Variants in ARHGAP26 observed in about 807,000 individuals in gnomAD.
ARHGAP26 encodes the protein Rho GTPase activating protein 26.
A neutral mutation model predicts 104.8 loss-of-function variants in ARHGAP26; 38 were observed. That is an observed-to-expected ratio of 0.36 (90% CI 0.28 to 0.48). ARHGAP26 has a LOEUF of 0.48. ARHGAP26 is among the 20% of genes least tolerant of loss of function. ARHGAP26 has a pLI of 0.99. For synonymous variants in ARHGAP26, 341 were observed against 340.0 expected, an observed-to-expected ratio of 1.00 and a Z score of -0.03; for missense variants, 704 against 947.9, an observed-to-expected ratio of 0.74 and a Z score of 3.38.
chr5:143,116,710 G>A (rs919497242), intron 17 of ARHGAP26, among the ~76,000 whole-genome samples: 2 of 152,174 alleles, frequency 1.3e-5, no homozygotes, highest in African/African-American at 4.8e-5. Flanking sequence ...GCCTCTCAAA[G>A]GACATCAGAC....
At chr5:142,958,900 C>A in intron 11 of ARHGAP26, among the ~76,000 whole-genome samples, 1 of 116,116 alleles carries the variant, frequency 8.6e-6, no homozygotes, top group African/African-American at 4.0e-5. Flanking sequence ...GAGACGCTGT[C>A]TCTTAAAAAA....
chr5:143,184,017 C>T (rs1804783850), intron 20 of ARHGAP26, among the ~76,000 whole-genome samples: 1 of 152,080 alleles, frequency 6.6e-6, no homozygotes, highest in South Asian at 2.1e-4. Flanking sequence ...AAACTCTGAC[C>T]CTTGAATAAA....
intron 1 of ARHGAP26, among the ~76,000 whole-genome samples, chr5:142,791,833 A>AC (rs1759884556): frequency 6.6e-6 from 1 of 151,306 alleles, no homozygotes; most frequent in Non-Finnish European, 1.5e-5. Flanking sequence ...GCATGGTGGC[A>AC]CGCGCCTGTA....
At chr5:143,041,364 TA>T (rs1379425208) in intron 13 of ARHGAP26, among the ~76,000 whole-genome samples, 25 of 152,234 alleles carry the variant, frequency 1.6e-4, no homozygotes, top group Admixed American at 7.8e-4. Flanking sequence ...TCCTTAAAAT[TA>T]AAAACATTCT....
At chr5:143,214,134 CAAGGG>C in intron 22 of ARHGAP26, 46 bp downstream of exon 22, 3 of 597,214 alleles carry the variant, frequency 5.0e-6, no homozygotes, top group Non-Finnish European at 8.5e-6. Flanking sequence ...GGGGCGGGGG[CAAGGG>C]GAGCACATAA....
intron 11 of ARHGAP26, among the ~76,000 whole-genome samples, chr5:142,947,685 A>G (rs898452618): frequency 6.6e-6 from 1 of 152,208 alleles, no homozygotes; most frequent in Non-Finnish European, 1.5e-5. Flanking sequence ...TAACTAGTCT[A>G]TACTCAAGTT....
chr5:142,858,088 TGTGTGTGA>T (rs1393352414), intron 1 of ARHGAP26, among the ~76,000 whole-genome samples: 1,492 of 141,410 alleles, frequency 0.011, 30 homozygotes, highest in African/African-American at 0.04. Context: ...TGTGTGTGTG[TGTGTGTGA>T]GAGAGAGAGA....
intron 19 of ARHGAP26, among the ~76,000 whole-genome samples, chr5:143,136,630 A>G (rs246606): frequency 0.61 from 92,083 of 151,944 alleles, 28,288 homozygotes; most frequent in African/African-American, 0.68. Context: ...GTGGGGGGGC[A>G]GTGGGAGAGT....
chr5:143,170,714 C>T (rs1349881912), intron 20 of ARHGAP26: 1 of 152,222 alleles, frequency 6.6e-6, no homozygotes, highest in Admixed American at 6.5e-5. Context: ...GATTACCTAA[C>T]TTACCTGAGG....
In ARHGAP26 at chr5:143,012,540, TATACATACATAC is replaced by T. The variant is rs1554195555; in HGVS notation, c.1108-1536_1108-1525del. On this transcript the variant is annotated intron_variant, in intron 11 of 22. Transcript: ENST00000645722. Reference sequence around the variant, plus strand: ...TAGAGTCACTGGAGGGATATATTTATATACATACATACATATATATATATATATATATATATT... The same window carrying T: ...TAGAGTCACTGGAGGGATATATTTATATATATATATATATATATATATATT... Among the ~76,000 whole-genome samples, 5 of 41,048 alleles carry T rather than the reference TATACATACATAC, an allele frequency of 1.2e-4. 1 individual carries two copies. The highest frequency in any genetic ancestry group is 3.1e-4 in the Non-Finnish European group (5 of 15,894). 26.9% of individuals were successfully genotyped at this position (41,048 alleles called of 152,430 possible).
At chr5:143,065,672 T>C (rs1004732781) in intron 17 of ARHGAP26, among the ~76,000 whole-genome samples, 1 of 152,242 alleles carries the variant, frequency 6.6e-6, no homozygotes, top group Non-Finnish European at 1.5e-5. Flanking sequence ...CAGCCACCAC[T>C]GAGATGACCA....
chr5:142,996,760 G>C (rs889231042), intron 11 of ARHGAP26, among the ~76,000 whole-genome samples: 1 of 152,172 alleles, frequency 6.6e-6, no homozygotes, highest in Admixed American at 6.5e-5. Context: ...AAGAAAACTG[G>C]AGGGAGGTTG....
At chr5:143,012,562 T>TTTATATATATAC (rs1778994979) in intron 11 of ARHGAP26, among the ~76,000 whole-genome samples, 4 of 78,578 alleles carry the variant, frequency 5.1e-5, no homozygotes, top group Non-Finnish European at 3.2e-5. Context: ...CATATATATA[T>TTTATATATATAC]ATATATATAT....
chr5:143,080,648 G>A (rs1789668478), intron 17 of ARHGAP26, among the ~76,000 whole-genome samples: 1 of 152,226 alleles, frequency 6.6e-6, no homozygotes, highest in Admixed American at 6.5e-5. Flanking sequence ...GATCTGTGTG[G>A]TACAAGCTGA....
intron 1 of ARHGAP26, among the ~76,000 whole-genome samples, chr5:142,774,219 A>G (rs529596731): frequency 1.3e-5 from 2 of 152,348 alleles, no homozygotes; most frequent in South Asian, 2.1e-4. Context: ...TATTACTCAT[A>G]CAAACATAAA....
chr5:143,072,267 G>C (rs1788376891), intron 17 of ARHGAP26, among the ~76,000 whole-genome samples: 3 of 152,184 alleles, frequency 2.0e-5, no homozygotes, highest in Admixed American at 2.0e-4. Flanking sequence ...ATGCTGGAGA[G>C]AATGGGGAGA....
chr5:142,851,375 G>A (rs545148852), intron 1 of ARHGAP26, among the ~76,000 whole-genome samples: 16 of 152,330 alleles, frequency 1.1e-4, no homozygotes, highest in African/African-American at 3.6e-4. Flanking sequence ...GGGATTACAG[G>A]CGTGAGCCGC....
chr5:143,204,989 G>A (rs73796991), intron 20 of ARHGAP26, among the ~76,000 whole-genome samples: 2,180 of 151,944 alleles, frequency 0.014, 50 homozygotes, highest in African/African-American at 0.049. Flanking sequence ...TGCCTACTAG[G>A]TCATTGTCTG....
chr5:142,985,710 A>T (rs751981020), intron 11 of ARHGAP26, among the ~76,000 whole-genome samples: 21 of 137,494 alleles, frequency 1.5e-4, no homozygotes, highest in Non-Finnish European at 2.1e-4. Flanking sequence ...CCTGTGTCCA[A>T]GTGTTCTCAT....
Sources: gnomAD v4.1 joint callset for allele counts (sites outside exome capture counted in the v4.1 genomes callset) on GRCh38, gnomAD v4.1.1 for gene constraint, MANE v1.5 for transcripts, NCBI Gene and HGNC (gene_info 2026-07-23, HGNC 2026-07-21) for gene names.